The following ASTN1 variants were observed in gnomAD, a reference collection of about 807,000 sequenced individuals.
ASTN1 encodes astrotactin-1.
In ASTN1, 41 loss-of-function variants were observed where a neutral mutation model predicts 140.7. The ratio of observed to expected loss-of-function variants is 0.29; its 90% CI spans 0.23 to 0.38. The LOEUF (loss-of-function observed/expected upper bound fraction) is 0.38, where lower values mean the gene tolerates loss of function less well. Ranked by LOEUF, ASTN1 falls within the 10% of genes least tolerant of loss-of-function variation. ASTN1 has a pLI of 1.00. For missense variants in ASTN1, 1,479 were observed against 1,678.8 expected (o/e 0.88, Z 2.08); for synonymous variants, 640 against 652.2 (o/e 0.98, Z 0.29).
chr1:177,151,034 T>C (rs1036498803), intron 1 of ASTN1, among the ~76,000 whole-genome samples: 2 of 152,060 alleles, frequency 1.3e-5, no homozygotes, highest in African/African-American at 4.8e-5. Context: ...GGAGTTGTCA[T>C]AGCAGAAAAT....
chr1:177,139,169 GCT>G (rs1002706582), intron 1 of ASTN1, among the ~76,000 whole-genome samples: 2 of 152,080 alleles, frequency 1.3e-5, no homozygotes, highest in Non-Finnish European at 2.9e-5. Context: ...AGACAAGGGT[GCT>G]AAAAAAAAGA....
chr1:176,884,950 C>T (rs1248978967), intron 18 of ASTN1, among the ~76,000 whole-genome samples: 2 of 152,216 alleles, frequency 1.3e-5, no homozygotes, highest in Non-Finnish European at 2.9e-5. Flanking sequence ...GTTTGGCTTC[C>T]ATAACCTTAT....
intron 8 of ASTN1, among the ~76,000 whole-genome samples, chr1:176,965,846 T>G (rs1281664714): frequency 6.6e-6 from 1 of 152,222 alleles, no homozygotes; most frequent in Non-Finnish European, 1.5e-5. Flanking sequence ...TTTGATAGGT[T>G]TCAGACATCT....
chr1:177,138,019 G>A (rs1052045802), intron 1 of ASTN1, among the ~76,000 whole-genome samples: 14 of 152,126 alleles, frequency 9.2e-5, no homozygotes, highest in African/African-American at 3.4e-4. Context: ...TCTAGAGGCT[G>A]GAAGAGGATT....
Position 177,047,999 on chromosome 1 carries a change from G to A in ASTN1, c.471+13079C>T, listed in dbSNP as rs1394293527. Reference sequence around the variant, plus strand: ...AACACAGATGCCGATGAAAATTTCTGGATGCAAAATACAGGCCTTTGAATG... The same window carrying A: ...AACACAGATGCCGATGAAAATTTCTAGATGCAAAATACAGGCCTTTGAATG... On this transcript the variant is annotated intron_variant, in intron 2 of 22. Coordinates refer to ENST00000361833, the MANE Select transcript of ASTN1 (RefSeq NM_004319.3). Among the ~76,000 whole-genome samples, 5 of 152,258 alleles carry A rather than the reference G, an allele frequency of 3.3e-5. No individual in the cohort carries two copies. In the East Asian group the frequency reaches 7.7e-4, roughly 24 times the overall value.
At chr1:177,040,352 C>A (rs1007306228) in intron 2 of ASTN1, among the ~76,000 whole-genome samples, 3 of 152,212 alleles carry the variant, frequency 2.0e-5, no homozygotes, top group Admixed American at 6.5e-5. Flanking sequence ...GCATGCCCCA[C>A]TGGCAGGGCC....
Position 176,934,176 on chromosome 1 carries a change from G to C in ASTN1, c.2647C>G (p.Leu883Val). 1 of 1,612,924 alleles carries C rather than the reference G, an allele frequency of 6.2e-7. No individual in the cohort carries two copies. The highest frequency in any genetic ancestry group is 8.5e-7 in the Non-Finnish European group (1 of 1,179,106). ...PNKQVQRRLW[L>V]EYEDISKGNS... is the part of the protein sequence containing the mutation. ...CCTTTACTGATGTCTTCATACTCCAGCCAGAGTCGCCGCTGGACCTGCTTG... is the reference window on the plus strand; with the variant it reads ...CCTTTACTGATGTCTTCATACTCCACCCAGAGTCGCCGCTGGACCTGCTTG... Residue 883 changes from leucine (L) to valine (V), a missense_variant, in exon 16 of 23, where the codon CTG (leucine) becomes GTG (valine). Physicochemically the swap from Leu to Val is conservative, Grantham distance 32. This residue lies in a region of ASTN1 where 746 missense variants were observed against 800.9 expected (regional missense o/e 0.93). Coordinates refer to ENST00000361833, the MANE Select transcript of ASTN1 (RefSeq NM_004319.3).
intron 6 of ASTN1, 67 bp downstream of exon 6, chr1:177,024,516 C>A: frequency 6.4e-7 from 1 of 1,572,628 alleles, no homozygotes. Flanking sequence ...TCTTCTCTAG[C>A]CTTTGCCCAA....
intron 14 of ASTN1, among the ~76,000 whole-genome samples, chr1:176,939,763 T>C (rs1205472313): frequency 6.6e-6 from 1 of 150,800 alleles, no homozygotes; most frequent in Non-Finnish European, 1.5e-5. Flanking sequence ...CTGAACAGAC[T>C]TTACGGGCAA....
At chr1:176,963,837 C>G (rs1672765617) in intron 9 of ASTN1, among the ~76,000 whole-genome samples, 1 of 152,150 alleles carries the variant, frequency 6.6e-6, no homozygotes, top group Admixed American at 6.5e-5. Context: ...ATGATAAATC[C>G]TTGTTGGAAA....
At chr1:177,020,372 A>G (rs1035135345) in intron 7 of ASTN1, among the ~76,000 whole-genome samples, 3 of 152,000 alleles carry the variant, frequency 2.0e-5, no homozygotes, top group East Asian at 1.9e-4. Flanking sequence ...GGGAGAATCT[A>G]TTTTCTGTGT....
At chr1:176,996,528 T>C (rs575095605) in intron 8 of ASTN1, among the ~76,000 whole-genome samples, 1 of 152,130 alleles carries the variant, frequency 6.6e-6, no homozygotes, top group African/African-American at 2.4e-5. Context: ...GCTAAATTGG[T>C]TGAAGACTGA....
At chr1:177,085,770 G>C (rs1679435078) in intron 1 of ASTN1, among the ~76,000 whole-genome samples, 1 of 152,136 alleles carries the variant, frequency 6.6e-6, no homozygotes, top group African/African-American at 2.4e-5. Context: ...TGGTTCCCTG[G>C]TTTTCTCCTT....
intron 16 of ASTN1, among the ~76,000 whole-genome samples, chr1:176,921,952 G>A (rs1019565193): frequency 1.3e-5 from 2 of 152,064 alleles, no homozygotes; most frequent in Admixed American, 6.5e-5. Context: ...ACATTCACTC[G>A]TTTATTCAAA....
intron 2 of ASTN1, among the ~76,000 whole-genome samples, chr1:177,060,125 AC>A (rs1160138316): frequency 2.0e-5 from 3 of 152,240 alleles, no homozygotes; most frequent in African/African-American, 4.8e-5. Flanking sequence ...AGTAAAAAAA[AC>A]AACACTAAAC....
chr1:177,108,103 A>T (rs1315072193), intron 1 of ASTN1, among the ~76,000 whole-genome samples: 1 of 152,178 alleles, frequency 6.6e-6, no homozygotes, highest in Admixed American at 6.5e-5. Flanking sequence ...TAATCTCAGC[A>T]CTTTGGGAAG....
intron 8 of ASTN1, among the ~76,000 whole-genome samples, chr1:176,994,106 C>G (rs538101803): frequency 2.0e-5 from 3 of 151,590 alleles, no homozygotes; most frequent in African/African-American, 7.3e-5. Flanking sequence ...CACCCCACCC[C>G]CCCCGCCACC....
At chr1:177,137,336 A>G (rs1246375646) in intron 1 of ASTN1, among the ~76,000 whole-genome samples, 1 of 152,210 alleles carries the variant, frequency 6.6e-6, no homozygotes, top group Non-Finnish European at 1.5e-5. Context: ...CTTGAAGAGA[A>G]TAGGTCCTCA....
chr1:177,073,249 T>A (rs1040763568), intron 1 of ASTN1, among the ~76,000 whole-genome samples: 3 of 152,196 alleles, frequency 2.0e-5, no homozygotes, highest in African/African-American at 7.2e-5. Flanking sequence ...CAGTCTTAGC[T>A]ACTTGGCAAC....
Sources: allele counts gnomAD v4.1 joint callset (sites outside exome capture counted in the v4.1 genomes callset), GRCh38; gene constraint gnomAD v4.1.1; regional missense constraint gnomAD v4.1.1; transcripts MANE v1.5; gene names NCBI Gene and HGNC (gene_info 2026-07-23, HGNC 2026-07-21).